Variants in SLC6A7 observed in about 807,000 individuals in gnomAD.
SLC6A7 encodes sodium-dependent proline transporter.
SLC6A7 carries 58 observed loss-of-function variants against 73.1 expected under a neutral mutation model. The observed-to-expected ratio is 0.79, with a 90% CI of 0.64 to 0.99. The LOEUF (loss-of-function observed/expected upper bound fraction) is 0.99, where lower values mean the gene tolerates loss of function less well. SLC6A7 is among the 50% of genes least tolerant of loss of function. The pLI, the probability that SLC6A7 is intolerant of heterozygous loss-of-function variation, is 0.00. For missense variants in SLC6A7, 783 were observed against 831.4 expected, an observed-to-expected ratio of 0.94 and a Z score of 0.72; for synonymous variants, 338 against 338.7, an observed-to-expected ratio of 1.00 and a Z score of 0.02.
chr5:150,194,681 C>CTG, intron 1 of SLC6A7, 47 bp from the exon 2 acceptor site: 1 of 1,468,072 alleles, frequency 6.8e-7, no homozygotes, highest in Non-Finnish European at 9.5e-7. Flanking sequence ...CATTTCTGGC[C>CTG]TGGCCTCAGT....
intron 4 of SLC6A7, 101 bp downstream of exon 4, chr5:150,197,377 G>T: frequency 1.3e-6 from 1 of 741,306 alleles, no homozygotes; most frequent in Non-Finnish European, 2.2e-6. Flanking sequence ...GCCAAGATGA[G>T]CTCAGGTGGT....
chr5:150,204,392 G>T, intron 10 of SLC6A7, 140 bp from the exon 11 acceptor site: 1 of 725,746 alleles, frequency 1.4e-6, no homozygotes, highest in East Asian at 2.5e-5. Flanking sequence ...GCCTAGAAGG[G>T]CTGGGCTGGC....
rs773686089 is a variant in SLC6A7 at position 150,204,529 on chromosome 5, T to C, written c.1333-3T>C. 2.2e-5 allele frequency: 36 copies of C among 1,611,912 alleles called. No individual in the cohort carries two copies. The highest frequency in any genetic ancestry group is 2.9e-5 in the Non-Finnish European group (34 of 1,177,982). ...GGACACCAGAACTGTGCTTGTGTTTTAGGGGGGCATGTACTGGCTGGTCCT... is the reference window on the plus strand; with the variant it reads ...GGACACCAGAACTGTGCTTGTGTTTCAGGGGGGCATGTACTGGCTGGTCCT... On this transcript the variant is annotated splice_region_variant and splice_polypyrimidine_tract_variant and intron_variant, in intron 10 of 13. Transcript: ENST00000230671.
At chr5:150,207,444 C>A (rs1366216888) in intron 13 of SLC6A7, among the ~76,000 whole-genome samples, 1 of 152,130 alleles carries the variant, frequency 6.6e-6, no homozygotes, top group Non-Finnish European at 1.5e-5. Context: ...TTAGTAGAAA[C>A]AGGACCAGGC....
rs763263062 is a variant in SLC6A7 at position 150,204,532 on chromosome 5, G to T, written c.1333G>T (p.Gly445Trp). Residue 445 changes from glycine (G) to tryptophan (W), a missense_variant and splice_region_variant, in exon 11 of 14, where the codon GGG (glycine) becomes TGG (tryptophan). By Grantham distance (184) the Gly-to-Trp change is radical. Transcript: ENST00000230671. ...CACCAGAACTGTGCTTGTGTTTTAG[G>T]GGGGCATGTACTGGCTGGTCCTTCT... ...YLMGLILTTDGGMYWLVLLDD... is the reference protein window; with the variant it reads ...YLMGLILTTDWGMYWLVLLDD... 3.7e-6 allele frequency: 6 copies of T among 1,612,534 alleles called. No homozygotes were observed. Among genetic ancestry groups the T allele is most frequent in the Admixed American group, 1.7e-5 (1 of 60,022 alleles).
In SLC6A7 at chr5:150,202,449, A is replaced by G. The variant is rs1295210247; in HGVS notation, c.961A>G (p.Arg321Gly). The G allele has an allele frequency of 3.7e-6, 6 of 1,613,232 alleles. No individual in the cohort carries two copies. The highest frequency in any genetic ancestry group is 4.2e-6 in the Non-Finnish European group (5 of 1,179,310). The stretch of plus-strand genomic sequence containing the variant: ...CAACACGTTTCACCAGAACATCTAT[A>G]GGTCAGTGTCCCACAGCCTCCCAGA... ...SYNTFHQNIY[R>G]DTFIVTLGNA... The change falls in exon 7 of 14, where the codon AGA becomes GGA. Residue 321 changes from arginine (R) to glycine (G), a missense_variant and splice_region_variant. Arg to Gly is a moderately radical substitution (Grantham distance 125, BLOSUM62 -2). Coordinates refer to ENST00000230671, the MANE Select transcript of SLC6A7 (RefSeq NM_014228.5).
chr5:150,204,067 G>C, intron 10 of SLC6A7, 29 bp downstream of exon 10: 1 of 1,605,836 alleles, frequency 6.2e-7, no homozygotes, highest in Non-Finnish European at 8.5e-7. Context: ...AGGATGGCAG[G>C]TGGGCGGGAC....
At chr5:150,202,231 A>C in intron 6 of SLC6A7, 116 bp from the exon 7 acceptor site, 1 of 733,220 alleles carries the variant, frequency 1.4e-6, no homozygotes, top group Non-Finnish European at 2.4e-6. Flanking sequence ...GCTCATGACC[A>C]CGCCATCCCT....
At chr5:150,190,642 G>T (rs1162197802) in intron 1 of SLC6A7, among the ~76,000 whole-genome samples, 2 of 152,174 alleles carry the variant, frequency 1.3e-5, no homozygotes, top group African/African-American at 4.8e-5. Context: ...CGCGGGGTAG[G>T]GGCGGCCGGG....
Position 150,209,772 on chromosome 5 carries a change from C to T in SLC6A7, c.*157C>T. ...CCAGTGGGGGTCCCTTCTGCAGCCTCTGCCTCTCCTGAAACCTCTGACAAC... is the reference window on the plus strand; with the variant it reads ...CCAGTGGGGGTCCCTTCTGCAGCCTTTGCCTCTCCTGAAACCTCTGACAAC... On this transcript the variant is annotated 3_prime_UTR_variant, in exon 14 of 14. Transcript: ENST00000230671. The T allele has an allele frequency of 3.1e-6, 2 of 645,056 alleles. No individual in the cohort carries two copies. Among genetic ancestry groups the T allele is most frequent in the Admixed American group, 5.1e-5 (2 of 38,930 alleles). The allele number at this position is 645,056 out of a possible 1,614,324, so 40.0% of individuals were successfully genotyped here. A position where few individuals can be genotyped will look rare whatever the true frequency, so the allele number is the denominator to read the frequency against.
rs1752696620 is a variant in SLC6A7, at chr5:150,190,069, G to A, written c.-259G>A. The A allele has an allele frequency of 5.1e-6, 2 of 392,588 alleles. No individual in the cohort carries two copies. The highest frequency in any genetic ancestry group is 4.2e-5 in the African/African-American group (2 of 47,262). 24.3% of individuals were successfully genotyped at this position (392,588 alleles called of 1,614,324 possible). ...TCCCCCCGCCGTCCGTCCGTCAGCT[G>A]TCTGTCTGGGTGTCTATGCGGGCGC... On this transcript the variant is annotated 5_prime_UTR_variant, in exon 1 of 14. Transcript: ENST00000230671.
chr5:150,190,279 C>T lies in SLC6A7; in HGVS notation c.-49C>T, dbSNP rs575751254. Reference sequence around the variant, plus strand: ...GCCAGCGGACCATCTCTCGTGCCCTCGCTCTCTGCGCTCCGGGGCAGCTGA... The same window carrying T: ...GCCAGCGGACCATCTCTCGTGCCCTTGCTCTCTGCGCTCCGGGGCAGCTGA... On this transcript the variant is annotated 5_prime_UTR_variant, in exon 1 of 14. Coordinates refer to ENST00000230671, the MANE Select transcript of SLC6A7 (RefSeq NM_014228.5). 6.1e-5 allele frequency: 91 copies of T among 1,482,022 alleles called. No homozygotes were observed. In the East Asian group the frequency reaches 2.2e-3, roughly 36 times the overall value. 91.8% of individuals were successfully genotyped at this position (1,482,022 alleles called of 1,614,324 possible). A position where few individuals can be genotyped will look rare whatever the true frequency, so the allele number is the denominator to read the frequency against.
chr5:150,197,325 G>T, intron 4 of SLC6A7, 49 bp downstream of exon 4: 1 of 1,301,184 alleles, frequency 7.7e-7, no homozygotes, highest in Non-Finnish European at 1.1e-6. Flanking sequence ...CTGCACTGCT[G>T]AGGGTGGCCA....
chr5:150,193,992 G>A (rs2113966322), intron 1 of SLC6A7, among the ~76,000 whole-genome samples: 1 of 152,316 alleles, frequency 6.6e-6, no homozygotes, highest in South Asian at 2.1e-4. Flanking sequence ...TGAATACTGA[G>A]CTCAAAAAGT....
Position 150,196,858 on chromosome 5 carries a change from A to C in SLC6A7, c.349+11A>C. 1 of 1,612,662 alleles carries C rather than the reference A, an allele frequency of 6.2e-7. No individual in the cohort carries two copies. Among genetic ancestry groups the C allele is most frequent in the East Asian group, 2.2e-5 (1 of 44,860 alleles). On this transcript the variant is annotated intron_variant, in intron 3 of 13. Coordinates refer to ENST00000230671, the MANE Select transcript of SLC6A7 (RefSeq NM_014228.5). Reference sequence around the variant, plus strand: ...GCCCTCTCTTCAAAGGTGAGGCCTCAGTGGTCCCCAGGGAGGGAAGGGCTC... The same window carrying C: ...GCCCTCTCTTCAAAGGTGAGGCCTCCGTGGTCCCCAGGGAGGGAAGGGCTC...
chr5:150,199,283 C>T lies in SLC6A7; in HGVS notation c.640C>T (p.Arg214Cys), dbSNP rs138255265. 183 of 1,613,800 alleles carry T rather than the reference C, an allele frequency of 1.1e-4. No individual in the cohort carries two copies. Among genetic ancestry groups the T allele is most frequent in the African/African-American group, 6.7e-4 (50 of 74,898 alleles). The change falls in exon 5 of 14, where the codon CGC becomes TGC. Residue 214 changes from arginine to cysteine, a missense_variant. Coordinates refer to ENST00000230671, the MANE Select transcript of SLC6A7 (RefSeq NM_014228.5). Reference protein sequence around the residue: ...SQGIGSPGEIRWNLCLCLLLA... With the variant: ...SQGIGSPGEICWNLCLCLLLA... ...GGGCATCGGCAGCCCTGGGGAGATC[C>T]GCTGGAACCTCTGCCTCTGCCTGCT...
At chr5:150,203,073 CAAA>C (rs552671431) in intron 8 of SLC6A7, among the ~76,000 whole-genome samples, 9 of 125,268 alleles carry the variant, frequency 7.2e-5, no homozygotes, top group Admixed American at 3.1e-4. Context: ...GACTCTGCCT[CAAA>C]AAAAAAAAAA....
chr5:150,202,619 A>G lies in SLC6A7; in HGVS notation c.1003A>G (p.Ile335Val). The G allele has an allele frequency of 1.2e-6, 2 of 1,614,230 alleles. No homozygotes were observed. The highest frequency in any genetic ancestry group is 1.7e-6 in the Non-Finnish European group (2 of 1,180,030). ...IVTLGNAITS[I>V]LAGFAIFSVL... ...CACTCTGGGCAACGCCATCACCAGC[A>G]TCCTGGCTGGCTTTGCCATCTTCTC... The change falls in exon 8 of 14, where the codon ATC becomes GTC. Residue 335 changes from isoleucine to valine, a missense_variant. Transcript: ENST00000230671.
chr5:150,192,989 G>T (rs1483560485), intron 1 of SLC6A7, among the ~76,000 whole-genome samples: 1 of 152,200 alleles, frequency 6.6e-6, no homozygotes, highest in Non-Finnish European at 1.5e-5. Flanking sequence ...AGGGAACGGG[G>T]CATTGGAGGG....
Sources: allele counts gnomAD v4.1 joint callset (sites outside exome capture counted in the v4.1 genomes callset), GRCh38; gene constraint gnomAD v4.1.1; transcripts MANE v1.5; gene names NCBI Gene and HGNC (gene_info 2026-07-23, HGNC 2026-07-21).